RPS6KA5: variants seen among roughly 807,000 people sequenced by gnomAD.
RPS6KA5 encodes the protein ribosomal protein S6 kinase alpha-5.
In RPS6KA5, 27 loss-of-function variants were observed where a neutral mutation model predicts 85.5. The ratio of observed to expected loss-of-function variants is 0.32; its 90% confidence interval spans 0.23 to 0.44. The LOEUF (loss-of-function observed/expected upper bound fraction) is 0.44, where lower values mean the gene tolerates loss of function less well. RPS6KA5 is among the 20% of genes least tolerant of loss of function. The pLI, the probability that RPS6KA5 is intolerant of heterozygous loss-of-function variation, is 1.00. For missense variants in RPS6KA5, 811 were observed against 980.9 expected (o/e 0.83, Z 2.31); for synonymous variants, 334 against 348.2 (o/e 0.96, Z 0.46).
At chr14:90,948,748 C>T (rs565511826) in intron 3 of RPS6KA5, among the ~76,000 whole-genome samples, 55 of 151,526 alleles carry the variant, frequency 3.6e-4, no homozygotes, top group African/African-American at 1.3e-3. Flanking sequence ...AAACCACTGA[C>T]ACATTAACAC....
At chr14:91,028,928 G>A (rs1036516992) in intron 1 of RPS6KA5, among the ~76,000 whole-genome samples, 1 of 152,050 alleles carries the variant, frequency 6.6e-6, no homozygotes, top group African/African-American at 2.4e-5. Context: ...TGTTTACTTA[G>A]CACAAATACA....
At chr14:90,927,182 A>G (rs1472680091) in intron 5 of RPS6KA5, among the ~76,000 whole-genome samples, 4 of 152,138 alleles carry the variant, frequency 2.6e-5, no homozygotes, top group Non-Finnish European at 2.9e-5. Context: ...ATAAAAATAG[A>G]TAAGTAAATA....
At chr14:91,006,812 G>A (rs1050932421) in intron 1 of RPS6KA5, among the ~76,000 whole-genome samples, 16 of 151,888 alleles carry the variant, frequency 1.1e-4, no homozygotes, top group Non-Finnish European at 1.5e-4. Context: ...CAGGTGATCC[G>A]CCTGCCTCAG....
rs1480328668 is a variant in RPS6KA5 at position 90,859,683 on chromosome 14, T to G, written c.*12391A>C. ...AGGACTATAACAGACATATGGAACA[T>G]AGTATAACACACAATCCTAGAAAAC... On this transcript the variant is annotated 3_prime_UTR_variant, in exon 17 of 17. Transcript: ENST00000614987. 1.3e-5 allele frequency: 2 copies of G among 152,120 alleles called. No homozygotes were observed. 9.4% of individuals were successfully genotyped at this position (152,120 alleles called of 1,614,324 possible).
chr14:90,966,528 C>T (rs1030274624), intron 3 of RPS6KA5, among the ~76,000 whole-genome samples: 10 of 152,164 alleles, frequency 6.6e-5, no homozygotes, highest in African/African-American at 2.4e-4. Context: ...TAGGCACATA[C>T]AAAATTAAGC....
At chr14:90,909,006 G>A (rs1223964855) in intron 7 of RPS6KA5, among the ~76,000 whole-genome samples, 1 of 152,244 alleles carries the variant, frequency 6.6e-6, no homozygotes, top group Admixed American at 6.5e-5. Flanking sequence ...TGTGTTTGAT[G>A]CTGTAATGTC....
At chr14:90,923,960 C>T (rs968493811) in intron 5 of RPS6KA5, among the ~76,000 whole-genome samples, 5 of 152,024 alleles carry the variant, frequency 3.3e-5, no homozygotes, top group African/African-American at 1.2e-4. Context: ...AAGCTCACAA[C>T]CACCCCAAGT....
intron 12 of RPS6KA5, among the ~76,000 whole-genome samples, chr14:90,896,490 C>A (rs1175617881): frequency 6.6e-6 from 1 of 152,012 alleles, no homozygotes; most frequent in Non-Finnish European, 1.5e-5. Flanking sequence ...GGCAAAAGGG[C>A]CTTTTGAGAT....
intron 1 of RPS6KA5, among the ~76,000 whole-genome samples, chr14:91,057,897 T>C (rs2043389202): frequency 6.6e-6 from 1 of 152,252 alleles, no homozygotes; most frequent in Admixed American, 6.5e-5. Context: ...GATGTCTACA[T>C]ATTAAGCTGC....
Position 91,060,438 on chromosome 14 carries a change from C to T in RPS6KA5, c.-4G>A, listed in dbSNP as rs1429571266. On this transcript the variant is annotated 5_prime_UTR_variant, in exon 1 of 17. Transcript: ENST00000614987. ...TGCTGCCACCCTCCTCCTCCATCTT[C>T]TCCTTTTTTTCCGATCCCGCGGGTC... is the stretch of plus-strand genomic sequence containing the variant. The T allele has an allele frequency of 1.4e-6, 2 of 1,472,284 alleles. No individual in the cohort carries two copies. The highest frequency in any genetic ancestry group is 1.5e-5 in the African/African-American group (1 of 68,866). 91.2% of individuals were successfully genotyped at this position (1,472,284 alleles called of 1,614,324 possible).
rs903316670 is a variant in RPS6KA5, at chr14:90,853,626, C to G, written c.*18448G>C. 6.9e-6 allele frequency: 1 copy of G among 144,342 alleles called. No homozygotes were observed. Among genetic ancestry groups the G allele is most frequent in the African/African-American group, 2.5e-5 (1 of 39,656 alleles). 8.9% of individuals were successfully genotyped at this position (144,342 alleles called of 1,614,324 possible). ...AGATCATCAGGGCAGGAGTTCGAGA[C>G]CAGCCTGACCAACATGGTGAAACCC... is the stretch of plus-strand genomic sequence containing the variant. On this transcript the variant is annotated 3_prime_UTR_variant, in exon 17 of 17. Transcript: ENST00000614987.
At chr14:90,895,631 A>G (rs1419179622) in intron 12 of RPS6KA5, among the ~76,000 whole-genome samples, 1 of 152,236 alleles carries the variant, frequency 6.6e-6, no homozygotes, top group Non-Finnish European at 1.5e-5. Flanking sequence ...AGGGCTATAG[A>G]TCCCAGCACA....
intron 1 of RPS6KA5, among the ~76,000 whole-genome samples, chr14:91,020,534 CTGTGTGTGTGTGTGTGTGTGTGTGTG>C (rs34407471): frequency 5.9e-4 from 65 of 110,056 alleles, no homozygotes; most frequent in African/African-American, 2.3e-3. Flanking sequence ...TAAGGAATGA[CTGTGTGTGTGTGTGTGTGTGTGTGTG>C]TGTGTGTGTG....
At chr14:90,919,588 G>A (rs562617089) in intron 7 of RPS6KA5, among the ~76,000 whole-genome samples, 6 of 151,604 alleles carry the variant, frequency 4.0e-5, no homozygotes, top group Non-Finnish European at 7.4e-5. Flanking sequence ...AAATATTTAC[G>A]GCATTCTATA....
At chr14:90,902,061 T>C (rs1056554799) in intron 9 of RPS6KA5, among the ~76,000 whole-genome samples, 1 of 151,102 alleles carries the variant, frequency 6.6e-6, no homozygotes, top group Non-Finnish European at 1.5e-5. Context: ...GCACCTGTGG[T>C]CCCAGCTATT....
At chr14:90,939,318 T>G (rs2037446507) in intron 5 of RPS6KA5, among the ~76,000 whole-genome samples, 1 of 152,206 alleles carries the variant, frequency 6.6e-6, no homozygotes, top group Non-Finnish European at 1.5e-5. Context: ...TCAACAAGTC[T>G]CTAGGAAGGT....
intron 5 of RPS6KA5, among the ~76,000 whole-genome samples, chr14:90,939,082 CT>C (rs2037435215): frequency 6.6e-6 from 1 of 152,192 alleles, no homozygotes; most frequent in Admixed American, 6.5e-5. Flanking sequence ...CTCTTAAATG[CT>C]TTGCTGCTTA....
chr14:90,971,820 C>T (rs1332430952), intron 3 of RPS6KA5, among the ~76,000 whole-genome samples: 1 of 152,188 alleles, frequency 6.6e-6, no homozygotes, highest in Non-Finnish European at 1.5e-5. Flanking sequence ...CCATGACCTA[C>T]TCCTTCAGCA....
At chr14:90,999,877 G>GA (rs1342271706) in intron 2 of RPS6KA5, among the ~76,000 whole-genome samples, 1 of 152,122 alleles carries the variant, frequency 6.6e-6, no homozygotes, top group Non-Finnish European at 1.5e-5. Context: ...GAAGGCAAAG[G>GA]AAAGTTACAA....
Sources: gnomAD v4.1 joint callset for allele counts (sites outside exome capture counted in the v4.1 genomes callset) on GRCh38, gnomAD v4.1.1 for gene constraint, MANE v1.5 for transcripts, NCBI Gene and HGNC (gene_info 2026-07-23, HGNC 2026-07-21) for gene names.